KIF6: variants seen among roughly 807,000 people sequenced by gnomAD.
The protein encoded by KIF6 is kinesin family member 6.
In KIF6, 106 loss-of-function variants were observed where a neutral mutation model predicts 112.7. The ratio of observed to expected loss-of-function variants is 0.94; its 90% CI spans 0.80 to 1.11. KIF6 has a LOEUF of 1.11. Ranked by LOEUF, KIF6 falls within the 50% of genes least tolerant of loss-of-function variation. The pLI, the probability that KIF6 is intolerant of heterozygous loss-of-function variation, is 0.00. For synonymous variants in KIF6, 339 were observed against 339.9 expected (o/e 1.00, Z 0.03); for missense variants, 929 against 964.0 (o/e 0.96, Z 0.48).
At chr6:39,651,553 C>A (rs566523501) in intron 3 of KIF6, among the ~76,000 whole-genome samples, 3 of 152,282 alleles carry the variant, frequency 2.0e-5, no homozygotes, top group African/African-American at 7.2e-5. Flanking sequence ...TGACACTGTA[C>A]ACTGACTGGA....
chr6:39,360,091 T>A (rs1018015697), intron 18 of KIF6, among the ~76,000 whole-genome samples: 1 of 152,194 alleles, frequency 6.6e-6, no homozygotes, highest in Non-Finnish European at 1.5e-5. Context: ...ACAATAAATG[T>A]CAGTAGGAAA....
At chr6:39,656,034 C>T (rs1455590256) in intron 3 of KIF6, among the ~76,000 whole-genome samples, 1 of 152,222 alleles carries the variant, frequency 6.6e-6, no homozygotes, top group Non-Finnish European at 1.5e-5. Context: ...GATACACTGA[C>T]TTAGGCTGTA....
intron 13 of KIF6, among the ~76,000 whole-genome samples, chr6:39,524,768 C>T (rs1486998325): frequency 6.6e-6 from 1 of 152,208 alleles, no homozygotes; most frequent in Non-Finnish European, 1.5e-5. Context: ...CTTCTCCGTC[C>T]TCTAAGTCCT....
rs1175938196 is a variant in KIF6, at chr6:39,360,485, G to C, written c.1992C>G (p.Ile664Met). The change falls in exon 18 of 23, where the codon ATC becomes ATG. Residue 664 changes from isoleucine (I) to methionine (M), a missense_variant. Physicochemically the swap from Ile to Met is conservative, Grantham distance 10. Coordinates refer to ENST00000287152, the MANE Select transcript of KIF6 (RefSeq NM_145027.6). ...TGTCCATGAGCAGCTGCAAGTGCTC[G>C]ATCTCCACCTTCAGGGCTTTCAGGC... ...FTRLKALKVE[I>M]EHLQLLMDKA... 1.2e-6 allele frequency: 2 copies of C among 1,614,160 alleles called. No individual in the cohort carries two copies. The highest frequency in any genetic ancestry group is 2.2e-5 in the East Asian group (1 of 44,882).
chr6:39,653,861 T>C (rs936424555), intron 3 of KIF6, among the ~76,000 whole-genome samples: 1 of 152,160 alleles, frequency 6.6e-6, no homozygotes, highest in African/African-American at 2.4e-5. Context: ...AAGCTGGGAA[T>C]GTGGTCCTCT....
At chr6:39,452,845 C>T (rs1040592273) in intron 13 of KIF6, among the ~76,000 whole-genome samples, 44 of 152,250 alleles carry the variant, frequency 2.9e-4, no homozygotes, top group Admixed American at 8.5e-4. Context: ...TCAGAACAGG[C>T]GCAAAATCAA....
chr6:39,360,563 G>A lies in KIF6; in HGVS notation c.1947-33C>T, dbSNP rs772034031. The A allele has an allele frequency of 6.2e-6, 10 of 1,613,380 alleles. No homozygotes were observed. The East Asian group carries it at 6.7e-5, about 11-fold the overall frequency. ...GGAATCGGGGAAGAGTCAGGGCACT[G>A]CTGTCTTGAAAGCACGGCATGGATG... On this transcript the variant is annotated intron_variant, in intron 17 of 22. Coordinates refer to ENST00000287152, the MANE Select transcript of KIF6 (RefSeq NM_145027.6).
At chr6:39,644,834 G>A (rs1028277290) in intron 3 of KIF6, among the ~76,000 whole-genome samples, 1 of 152,158 alleles carries the variant, frequency 6.6e-6, no homozygotes, top group African/African-American at 2.4e-5. Flanking sequence ...TCTCAACAAA[G>A]CTGTTGTAAC....
At chr6:39,656,756 G>A (rs1785810000) in intron 3 of KIF6, among the ~76,000 whole-genome samples, 4 of 152,114 alleles carry the variant, frequency 2.6e-5, no homozygotes, top group Admixed American at 2.0e-4. Flanking sequence ...TCATTTGCAT[G>A]GAGAACTCCT....
chr6:39,548,789 CTGTT>C (rs1490747294), intron 10 of KIF6, among the ~76,000 whole-genome samples: 8 of 152,150 alleles, frequency 5.3e-5, no homozygotes, highest in African/African-American at 1.9e-4. Context: ...CAGTGGAAAA[CTGTT>C]TGCAGAAAAG....
At position 39,343,265 on chromosome 6, in the gene KIF6, C is replaced by T; in HGVS notation, c.2428+444G>A. The T allele has an allele frequency of 1.6e-6, 2 of 1,283,594 alleles. No homozygotes were observed. Among genetic ancestry groups the T allele is most frequent in the Non-Finnish European group, 2.0e-6 (2 of 986,522 alleles). 79.5% of individuals were successfully genotyped at this position (1,283,594 alleles called of 1,614,324 possible). ...GTGTCCTCGGGCCTGGGCCTTCAAG[C>T]AGTGTTTACACTCACAGCTCTTTGG... On this transcript the variant is annotated intron_variant, in intron 22 of 22. Coordinates refer to ENST00000287152, the MANE Select transcript of KIF6 (RefSeq NM_145027.6). The surrounding 1 kb of genome is among the most constrained non-coding windows in gnomAD (Gnocchi z 4.1).
At chr6:39,454,877 C>T (rs6899481) in intron 13 of KIF6, among the ~76,000 whole-genome samples, 3,690 of 145,318 alleles carry the variant, frequency 0.025, 123 homozygotes, top group African/African-American at 0.069. Flanking sequence ...CTACGCCCAC[C>T]GAATCTCGCT....
intron 10 of KIF6, among the ~76,000 whole-genome samples, chr6:39,564,639 G>A (rs1459745753): frequency 6.6e-6 from 1 of 152,124 alleles, no homozygotes; most frequent in Non-Finnish European, 1.5e-5. Flanking sequence ...AATATGAAGA[G>A]GAAATGGGGG....
intron 10 of KIF6, among the ~76,000 whole-genome samples, chr6:39,551,275 G>A (rs759211408): frequency 6.6e-6 from 1 of 152,134 alleles, no homozygotes. Context: ...TCACTCACAC[G>A]TGGGAACTAA....
At chr6:39,506,083 G>C (rs553845968) in intron 13 of KIF6, among the ~76,000 whole-genome samples, 1 of 152,282 alleles carries the variant, frequency 6.6e-6, no homozygotes, top group African/African-American at 2.4e-5. Flanking sequence ...ATTCACAATA[G>C]CAAAGACATG....
intron 19 of KIF6, 61 bp from the exon 20 acceptor site, chr6:39,346,587 C>T (rs1179283536): frequency 4.6e-6 from 3 of 650,994 alleles, no homozygotes; most frequent in Non-Finnish European, 5.6e-6. Context: ...GTTATAGCAG[C>T]CTGAGCAGAC....
intron 3 of KIF6, among the ~76,000 whole-genome samples, chr6:39,711,020 A>G (rs1042016577): frequency 8.6e-5 from 13 of 151,722 alleles, no homozygotes; most frequent in Non-Finnish European, 1.6e-4. Flanking sequence ...GAGTGAGACT[A>G]TGTCTCAAAA....
intron 3 of KIF6, among the ~76,000 whole-genome samples, chr6:39,650,912 A>G (rs947075963): frequency 2.0e-5 from 3 of 152,276 alleles, no homozygotes; most frequent in Admixed American, 2.0e-4. Flanking sequence ...GAAGCCTGGT[A>G]CTGTGTGCTT....
intron 3 of KIF6, among the ~76,000 whole-genome samples, chr6:39,701,795 T>C (rs145122413): frequency 1.2e-3 from 185 of 152,346 alleles, no homozygotes; most frequent in African/African-American, 4.4e-3. Context: ...AATATTGGTT[T>C]TGCATTTCAC....
Sources: allele counts gnomAD v4.1 joint callset (sites outside exome capture counted in the v4.1 genomes callset), GRCh38; gene constraint gnomAD v4.1.1; non-coding constraint Gnocchi (gnomAD v3.1); transcripts MANE v1.5; gene names NCBI Gene and HGNC (gene_info 2026-07-23, HGNC 2026-07-21).